GABRA3: variants seen among roughly 807,000 people sequenced by gnomAD.
The protein encoded by GABRA3 is gamma-aminobutyric acid receptor subunit alpha-3.
Under a neutral mutation model 30.1 loss-of-function variants are expected in GABRA3, and 10 were observed. That is an observed-to-expected ratio of 0.33 (90% CI 0.20 to 0.56). GABRA3 has a LOEUF of 0.56. GABRA3 is among the 20% of genes least tolerant of loss of function. The probability of loss-of-function intolerance (pLI) is 0.89; values close to 1 mark genes in which losing one functional copy is unlikely to be tolerated. For missense variants in GABRA3, 233 were observed against 392.0 expected (o/e 0.59, Z 3.42); for synonymous variants, 151 against 146.8 (o/e 1.03, Z -0.21).
intron 3 of GABRA3, among the ~76,000 whole-genome samples, chrX:152,309,132 G>C (rs1939763264): frequency 1.8e-5 from 2 of 111,677 alleles, no homozygotes; most frequent in South Asian, 7.5e-4. Flanking sequence ...AAGAAATATA[G>C]GATTATGTAA....
intron 1 of GABRA3, among the ~76,000 whole-genome samples, chrX:152,370,918 C>G (rs755779353): frequency 6.3e-5 from 7 of 111,099 alleles, no homozygotes; most frequent in Admixed American, 3.9e-4. Context: ...TGCTCATCAT[C>G]ATCTTCACGT....
intron 1 of GABRA3, among the ~76,000 whole-genome samples, chrX:152,431,735 G>A (rs1930655218): frequency 9.0e-6 from 1 of 111,710 alleles, no homozygotes; most frequent in Non-Finnish European, 1.9e-5. Flanking sequence ...GAAGTGGGAG[G>A]CAGAAAAGTC....
At chrX:152,275,268 TTA>T (rs1168780593) in intron 4 of GABRA3, among the ~76,000 whole-genome samples, 11 of 63,581 alleles carry the variant, frequency 1.7e-4, no homozygotes, top group African/African-American at 5.0e-4. Flanking sequence ...TATATATAAA[TTA>T]TATATATAAA....
intron 5 of GABRA3, chrX:152,250,779 A>G (rs1433069795): frequency 8.4e-6 from 1 of 119,701 alleles, no homozygotes; most frequent in Non-Finnish European, 1.7e-5. Context: ...TACCCATGCA[A>G]TGCTTGCTCA....
rs866253045 is a variant in GABRA3, at chrX:152,239,978, A to C, written c.552-15133T>G. Among the ~76,000 whole-genome samples the C allele has an allele frequency of 3.7e-3, 359 of 96,374 alleles. 5 individuals are homozygous for C. Among genetic ancestry groups the C allele is most frequent in the African/African-American group, 0.014 (326 of 23,353 alleles). The allele number at this position is 96,374 out of a possible 115,157, so 83.7% of individuals were successfully genotyped here. A position where few individuals can be genotyped will look rare whatever the true frequency, so the allele number is the denominator to read the frequency against. On this transcript the variant is annotated intron_variant, in intron 5 of 9. Coordinates refer to ENST00000370314, the MANE Select transcript of GABRA3 (RefSeq NM_000808.4). ...GCCAGTCTGTGTCTTTTAATTGGAG[A>C]ATTTAGTCCATTTACATTTAAAGTT...
At chrX:152,261,509 G>T (rs1938728668) in intron 4 of GABRA3, among the ~76,000 whole-genome samples, 1 of 111,938 alleles carries the variant, frequency 8.9e-6, no homozygotes, top group Non-Finnish European at 1.9e-5. Flanking sequence ...GAGAGAAACT[G>T]GCCAAACAAA....
chrX:152,335,912 G>T (rs992987154), intron 3 of GABRA3, among the ~76,000 whole-genome samples: 3 of 110,745 alleles, frequency 2.7e-5, no homozygotes, highest in Non-Finnish European at 5.7e-5. Flanking sequence ...GTAGAGACAG[G>T]GTCTCACTAT....
chrX:152,402,458 A>G (rs1427740479), intron 1 of GABRA3, among the ~76,000 whole-genome samples: 1 of 112,004 alleles, frequency 8.9e-6, no homozygotes, highest in Non-Finnish European at 1.9e-5. Context: ...GGAACATTTC[A>G]CTTCCTCTAC....
intron 1 of GABRA3, among the ~76,000 whole-genome samples, chrX:152,413,808 G>T (rs1930135763): frequency 9.1e-6 from 1 of 109,525 alleles, no homozygotes; most frequent in African/African-American, 3.3e-5. Flanking sequence ...GAAAAAAAAG[G>T]AAACAAAAAG....
chrX:152,441,011 T>TA (rs3042367), intron 1 of GABRA3, among the ~76,000 whole-genome samples: 4,403 of 97,600 alleles, frequency 0.045, 184 homozygotes, highest in African/African-American at 0.13. Flanking sequence ...TATAGTATAA[T>TA]AAAAAAAAAA....
intron 4 of GABRA3, among the ~76,000 whole-genome samples, chrX:152,274,678 A>T (rs1318174446): frequency 2.7e-5 from 3 of 110,596 alleles, no homozygotes; most frequent in Non-Finnish European, 3.8e-5. Flanking sequence ...GGAAATTGAT[A>T]TTCATAAAGA....
chrX:152,339,738 TCTAA>T (rs1940287295), intron 3 of GABRA3, among the ~76,000 whole-genome samples: 1 of 111,376 alleles, frequency 9.0e-6, no homozygotes, highest in South Asian at 3.9e-4. Flanking sequence ...TGTTGAAATC[TCTAA>T]CTATATTATA....
At chrX:152,373,460 C>T (rs1157619132) in intron 1 of GABRA3, among the ~76,000 whole-genome samples, 1 of 111,869 alleles carries the variant, frequency 8.9e-6, no homozygotes, top group South Asian at 3.8e-4. Flanking sequence ...GGAATTGCCA[C>T]ACTGTCTTCC....
Position 152,372,639 on chromosome X carries a change from T to C in GABRA3, c.-26-8043A>G, listed in dbSNP as rs752515441. The stretch of plus-strand genomic sequence containing the variant: ...TGGAAAAAAAGAGTGAATTTTTTCA[T>C]GAGTTCATGCTCACACAACTCTGGG... On this transcript the variant is annotated intron_variant, in intron 1 of 9. Coordinates refer to ENST00000370314, the MANE Select transcript of GABRA3 (RefSeq NM_000808.4). Among the ~76,000 whole-genome samples, 11 of 111,964 alleles carry C rather than the reference T, an allele frequency of 9.8e-5. No homozygotes were observed. In the South Asian group the frequency reaches 4.1e-3, roughly 42 times the overall value.
chrX:152,448,691 C>A (rs995622918), intron 1 of GABRA3, among the ~76,000 whole-genome samples: 2 of 111,589 alleles, frequency 1.8e-5, no homozygotes, highest in Non-Finnish European at 3.8e-5. Context: ...CTGTATGAAC[C>A]TTGAACTACC....
At chrX:152,221,346 TTC>T (rs949224570) in intron 6 of GABRA3, among the ~76,000 whole-genome samples, 5 of 111,108 alleles carry the variant, frequency 4.5e-5, no homozygotes, top group African/African-American at 1.6e-4. Context: ...CTCTCTCTCG[TTC>T]TCTCTCTCTC....
chrX:152,378,558 T>C (rs770977690), intron 1 of GABRA3, among the ~76,000 whole-genome samples: 1 of 109,985 alleles, frequency 9.1e-6, no homozygotes, highest in South Asian at 3.8e-4. Flanking sequence ...TCGATCCAAA[T>C]ATAAAATAAA....
chrX:152,358,886 C>T (rs79390172), intron 2 of GABRA3, among the ~76,000 whole-genome samples: 2,297 of 111,850 alleles, frequency 0.021, 50 homozygotes, highest in East Asian at 0.12. Context: ...ATATGCTGAA[C>T]CAACCTTGCA....
At chrX:152,365,833 C>T (rs2124495698) in intron 1 of GABRA3, among the ~76,000 whole-genome samples, 1 of 111,500 alleles carries the variant, frequency 9.0e-6, no homozygotes, top group South Asian at 3.8e-4. Context: ...CTGGTATAGG[C>T]ATTTGAAAAA....
Sources: allele counts gnomAD v4.1 joint callset (sites outside exome capture counted in the v4.1 genomes callset), GRCh38; gene constraint gnomAD v4.1.1; transcripts MANE v1.5; gene names NCBI Gene and HGNC (gene_info 2026-07-23, HGNC 2026-07-21).